Variants in ANAPC1 observed in about 807,000 individuals in gnomAD.
ANAPC1 encodes anaphase promoting complex subunit 1.
Under a neutral mutation model 208.0 loss-of-function variants are expected in ANAPC1, and 36 were observed. The ratio of observed to expected loss-of-function variants is 0.17; its 90% CI spans 0.13 to 0.23. The LOEUF is 0.23. Among genes scored for constraint, ANAPC1 ranks in the 10% least tolerant of loss-of-function variants. The pLI is 1.00. For synonymous variants in ANAPC1, 378 were observed against 695.2 expected (o/e 0.54, Z 7.18); for missense variants, 942 against 2,011.6 (o/e 0.47, Z 10.17).
At chr2:111,854,912 C>G (rs1489964210) in intron 13 of ANAPC1, among the ~76,000 whole-genome samples, 3 of 152,166 alleles carry the variant, frequency 2.0e-5, no homozygotes, top group Non-Finnish European at 4.4e-5. Flanking sequence ...TAATTTCCTT[C>G]GAGAGCTTTT....
In ANAPC1 at chr2:111,862,468, A is replaced by C; in HGVS notation, c.1183T>G (p.Phe395Val). Residue 395 changes from phenylalanine to valine, a missense_variant, in exon 10 of 48, where the codon TTT (phenylalanine) becomes GTT (valine). Physicochemically the swap from Phe to Val is conservative, Grantham distance 50 (BLOSUM62 -1). Transcript: ENST00000341068. ...ATTGGCTCCGTTTCTGGTGCAAGAA[A>C]GGAGCCATTAGAATTACTATTTGGA... ...HSPNSNSNGS[F>V]LAPETEPIVP... 6.2e-7 allele frequency: 1 copy of C among 1,611,648 alleles called. No homozygotes were observed. Among genetic ancestry groups the C allele is most frequent in the Non-Finnish European group, 8.5e-7 (1 of 1,179,586 alleles).
At chr2:111,788,177 T>C in intron 39 of ANAPC1, 57 bp downstream of exon 39, 2 of 1,580,726 alleles carry the variant, frequency 1.3e-6, no homozygotes, top group Non-Finnish European at 1.7e-6. Context: ...TACAACCAAA[T>C]GATCCCCTTA....
In ANAPC1 at chr2:111,812,573, G is replaced by GA. The variant is rs1452330981; in HGVS notation, c.3597+2796dup. On this transcript the variant is annotated intron_variant, in intron 28 of 47. Transcript: ENST00000341068. ...TGAAGAGAACCCTTCTGTTTTCCTGGAAAAAACTGAGAGAGGCTTTAATTA... is the reference window on the plus strand; with the variant it reads ...TGAAGAGAACCCTTCTGTTTTCCTGGAAAAAAACTGAGAGAGGCTTTAATTA... 5.5e-5 allele frequency among the ~76,000 whole-genome samples: 8 copies of GA among 144,968 alleles called. No individual in the cohort carries two copies. The South Asian group carries it at 9.3e-4, about 17-fold the overall frequency.
intron 26 of ANAPC1, chr2:111,819,365 T>C (rs1259094334): frequency 3.5e-6 from 2 of 563,518 alleles, no homozygotes; most frequent in African/African-American, 2.4e-5. Context: ...TCAGTACATG[T>C]GGGATCCTCC....
At chr2:111,864,402 CA>C (rs557496899) in intron 8 of ANAPC1, among the ~76,000 whole-genome samples, 21,164 of 67,216 alleles carry the variant, frequency 0.31, 2,072 homozygotes, top group African/African-American at 0.43. Context: ...GTGATTTTTC[CA>C]AAAAAAAAAA....
intron 34 of ANAPC1, among the ~76,000 whole-genome samples, chr2:111,799,143 AT>A (rs1487854757): frequency 4.8e-4 from 73 of 152,396 alleles, no homozygotes; most frequent in Admixed American, 2.7e-3. Flanking sequence ...AGCAAAAGAC[AT>A]GCACAGACAC....
At chr2:111,778,937 T>TA (rs1677133986) in intron 44 of ANAPC1, 167 bp from the exon 45 acceptor site, 523 of 23,408 alleles carry the variant, frequency 0.022, 3 homozygotes, top group Middle Eastern at 0.083. Context: ...TAAACATTAA[T>TA]TAAAAAAAAA....
intron 3 of ANAPC1, among the ~76,000 whole-genome samples, chr2:111,877,542 C>T (rs548785901): frequency 1.3e-5 from 2 of 152,090 alleles, no homozygotes; most frequent in African/African-American, 4.8e-5. Flanking sequence ...TTTGGGAGGC[C>T]GAGGTGGGTG....
Position 111,785,545 on chromosome 2 carries a change from T to C in ANAPC1, c.4800-68A>G, listed in dbSNP as rs1263041088. On this transcript the variant is annotated intron_variant, in intron 39 of 47. Transcript: ENST00000341068. ...ACAATATGAGCTCTGCAATCTGCCGTTGCCTATAAGCTAAGACAGGACAGA... is the reference window on the plus strand; with the variant it reads ...ACAATATGAGCTCTGCAATCTGCCGCTGCCTATAAGCTAAGACAGGACAGA... The C allele has an allele frequency of 1.8e-5, 21 of 1,197,280 alleles. 1 individual carries two copies. The Admixed American group carries it at 3.6e-4, about 20-fold the overall frequency. The allele number at this position is 1,197,280 out of a possible 1,614,324, so 74.2% of individuals were successfully genotyped here. A position where few individuals can be genotyped will look rare whatever the true frequency, so the allele number is the denominator to read the frequency against.
chr2:111,766,622 C>A (rs949563388), downstream of ANAPC1: 5 of 271,010 alleles, frequency 1.8e-5, no homozygotes, highest in Non-Finnish European at 3.1e-5. Context: ...GGATGGGAGA[C>A]CACAGAAGAG....
At chr2:111,880,430 A>T in intron 2 of ANAPC1, 183 bp downstream of exon 2, 1 of 1,048,744 alleles carries the variant, frequency 9.5e-7, no homozygotes, top group African/African-American at 1.6e-5. Flanking sequence ...GAGGGTATCT[A>T]AATAAGTCGC....
Position 111,772,428 on chromosome 2 carries a change from C to T in ANAPC1, c.5632G>A (p.Glu1878Lys), listed in dbSNP as rs987459683. The T allele has an allele frequency of 1.3e-6, 2 of 1,596,254 alleles. No individual in the cohort carries two copies. Among genetic ancestry groups the T allele is most frequent in the African/African-American group, 1.4e-5 (1 of 72,808 alleles). The change falls in exon 47 of 48, where the codon GAG (glutamate) becomes AAG (lysine). Residue 1878 changes from glutamate (E) to lysine (K), a missense_variant. Coordinates refer to ENST00000341068, the MANE Select transcript of ANAPC1 (RefSeq NM_022662.4). ...VHAYLSGQPL[E>K]ESQLSMLACF... ...GCCAGCATGCTCAGCTGTGATTCCT[C>T]CAAGGGCTGCCCGCTGAGGTAGGCG...
intron 6 of ANAPC1, among the ~76,000 whole-genome samples, chr2:111,870,445 T>C (rs1284946765): frequency 6.6e-6 from 1 of 152,230 alleles, no homozygotes; most frequent in Non-Finnish European, 1.5e-5. Flanking sequence ...ACTGTGGTTT[T>C]AATTTGTGTT....
chr2:111,832,606 A>G (rs1233217167), intron 20 of ANAPC1, among the ~76,000 whole-genome samples: 5 of 152,172 alleles, frequency 3.3e-5, no homozygotes, highest in African/African-American at 9.7e-5. Context: ...GGTTAGTGGT[A>G]CTAACTGTAC....
In ANAPC1 at chr2:111,827,598, T is replaced by C. The variant is rs189819441; in HGVS notation, c.2626-1743A>G. Among the ~76,000 whole-genome samples, 989 of 151,952 alleles carry C rather than the reference T, an allele frequency of 6.5e-3. 17 individuals are homozygous for C. The highest frequency in any genetic ancestry group is 0.044 in the Middle Eastern group (13 of 294). On this transcript the variant is annotated intron_variant, in intron 21 of 47. Transcript: ENST00000341068. ...GGCAAAACCCCATCTCTACTAAAAA[T>C]ACAAAAATTAGCCGGGTGTGATGGT...
At chr2:111,835,312 T>C (rs1680406023) in intron 18 of ANAPC1, among the ~76,000 whole-genome samples, 1 of 152,254 alleles carries the variant, frequency 6.6e-6, no homozygotes, top group Non-Finnish European at 1.5e-5. Context: ...ATGCCGGGGC[T>C]AGTAATATAA....
At chr2:111,836,642 G>A (rs796193853) in intron 18 of ANAPC1, among the ~76,000 whole-genome samples, 6 of 148,548 alleles carry the variant, frequency 4.0e-5, no homozygotes, top group African/African-American at 9.9e-5. Flanking sequence ...GTGACACCCT[G>A]TCTCTTAAAA....
chr2:111,788,982 CA>C (rs1677723224), intron 38 of ANAPC1, among the ~76,000 whole-genome samples: 2 of 152,222 alleles, frequency 1.3e-5, no homozygotes, highest in African/African-American at 4.8e-5. Context: ...ACTAAAAATA[CA>C]AAAAATTAGC....
intron 45 of ANAPC1, 125 bp from the exon 46 acceptor site, chr2:111,777,182 C>A: frequency 3.0e-6 from 2 of 663,358 alleles, no homozygotes; most frequent in Non-Finnish European, 2.7e-6. Flanking sequence ...GTGGTCCATT[C>A]TGTGTTTTGA....
Sources: gnomAD v4.1 joint callset for allele counts (sites outside exome capture counted in the v4.1 genomes callset) on GRCh38, gnomAD v4.1.1 for gene constraint, MANE v1.5 for transcripts, NCBI Gene and HGNC (gene_info 2026-07-23, HGNC 2026-07-21) for gene names.